Variants in HTT-AS observed in about 807,000 individuals in gnomAD.
HTT-AS encodes the protein HTT antisense RNA, also known as HTT antisense RNA (head to head).
intron 1 of HTT-AS, among the ~76,000 whole-genome samples, chr4:3,067,148 G>A (rs1712071905): frequency 6.6e-6 from 1 of 152,196 alleles, no homozygotes; most frequent in Non-Finnish European, 1.5e-5. Context: ...AATAGCCAGA[G>A]AGAACTAGGA....
At chr4:3,070,629 T>C (rs897836227) in intron 1 of HTT-AS, among the ~76,000 whole-genome samples, 6 of 152,120 alleles carry the variant, frequency 3.9e-5, no homozygotes, top group Admixed American at 3.9e-4. Context: ...TTCTTTAGAA[T>C]GGGGGACGTT....
At chr4:3,046,835 G>C (rs1304916434), downstream of HTT-AS, among the ~76,000 whole-genome samples, 1 of 152,082 alleles carries the variant, frequency 6.6e-6, no homozygotes, top group Non-Finnish European at 1.5e-5. Flanking sequence ...TTAGTCTGTT[G>C]GGACATAGTG....
chr4:3,069,653 C>T (rs1000444400), intron 1 of HTT-AS, among the ~76,000 whole-genome samples: 16 of 151,908 alleles, frequency 1.1e-4, no homozygotes, highest in African/African-American at 3.6e-4. Flanking sequence ...TCCTTACCAG[C>T]GGTGCACCTA....
intron 2 of HTT-AS, among the ~76,000 whole-genome samples, chr4:3,054,253 T>A (rs528196546): frequency 6.6e-6 from 1 of 151,298 alleles, no homozygotes; most frequent in East Asian, 1.9e-4. Context: ...TGCCCTAAAG[T>A]AAAATAACTG....
intron 2 of HTT-AS, among the ~76,000 whole-genome samples, chr4:3,062,203 A>C (rs1397221147): frequency 1.3e-5 from 2 of 151,362 alleles, no homozygotes; most frequent in Non-Finnish European, 2.9e-5. Context: ...CTAATGTTTT[A>C]TTTTTTTTGT....
chr4:3,073,409 C>T (rs547381510), intron 1 of HTT-AS, among the ~76,000 whole-genome samples: 182 of 152,352 alleles, frequency 1.2e-3, no homozygotes, highest in Middle Eastern at 6.8e-3. Context: ...GTGTCCCAGG[C>T]GTGAGGGGGT....
downstream of HTT-AS, among the ~76,000 whole-genome samples, chr4:3,048,884 G>T (rs1711649466): frequency 6.6e-6 from 1 of 152,200 alleles, no homozygotes; most frequent in South Asian, 2.1e-4. Context: ...TTAACCCATA[G>T]TGTGGGTTAA....
chr4:3,065,462 T>G (rs1011764853), intron 1 of HTT-AS, among the ~76,000 whole-genome samples: 1 of 152,168 alleles, frequency 6.6e-6, no homozygotes, highest in African/African-American at 2.4e-5. Context: ...CAGGCTGGTC[T>G]TGAACTCCCA....
intron 2 of HTT-AS, among the ~76,000 whole-genome samples, chr4:3,057,764 G>T (rs1039972587): frequency 2.6e-5 from 4 of 151,858 alleles, no homozygotes; most frequent in African/African-American, 9.7e-5. Flanking sequence ...CTCCTGAGTA[G>T]CTGGGACTAT....
chr4:3,053,067 G>A (rs894239974), intron 2 of HTT-AS, among the ~76,000 whole-genome samples: 2 of 151,992 alleles, frequency 1.3e-5, no homozygotes, highest in African/African-American at 4.8e-5. Context: ...ATTATATTAG[G>A]CCCTAGAAAC....
At chr4:3,062,550 G>A (rs952752656) in exon 2 of HTT-AS, among the ~76,000 whole-genome samples, 1 of 152,046 alleles carries the variant, frequency 6.6e-6, no homozygotes, top group Non-Finnish European at 1.5e-5. Context: ...TTGACAGTGA[G>A]AAAGGTCTCC....
At chr4:3,071,146 G>T (rs1352218662) in intron 1 of HTT-AS, among the ~76,000 whole-genome samples, 1 of 152,188 alleles carries the variant, frequency 6.6e-6, no homozygotes, top group East Asian at 1.9e-4. Flanking sequence ...TTGCCTCCCT[G>T]GATGGGTTGG....
intron 1 of HTT-AS, among the ~76,000 whole-genome samples, chr4:3,070,394 G>A (rs997330557): frequency 6.6e-6 from 1 of 151,646 alleles, no homozygotes; most frequent in Non-Finnish European, 1.5e-5. Context: ...GGGTTCAAGC[G>A]ATTCTCCTGC....
intron 1 of HTT-AS, among the ~76,000 whole-genome samples, chr4:3,071,910 T>C (rs1398559468): frequency 2.6e-5 from 4 of 152,168 alleles, no homozygotes; most frequent in African/African-American, 7.2e-5. Context: ...TCTAGGACCA[T>C]GAGAAGATAC....
At chr4:3,070,041 T>C (rs371369288) in intron 1 of HTT-AS, 5 of 152,364 alleles carry the variant, frequency 3.3e-5, no homozygotes, top group African/African-American at 9.7e-5. Flanking sequence ...GCACCCCCTC[T>C]GGCTGCTTTC....
chr4:3,071,059 C>T (rs535917901), intron 1 of HTT-AS, among the ~76,000 whole-genome samples: 1 of 152,308 alleles, frequency 6.6e-6, no homozygotes, highest in Admixed American at 6.5e-5. Flanking sequence ...ATAGTCAATT[C>T]TAGGCAGATG....
chr4:3,047,961 C>T (rs879663247), downstream of HTT-AS, among the ~76,000 whole-genome samples: 15 of 152,202 alleles, frequency 9.9e-5, no homozygotes, highest in East Asian at 3.8e-4. Context: ...GCACCCTGTC[C>T]GGTGGACACG....
intron 2 of HTT-AS, among the ~76,000 whole-genome samples, chr4:3,050,340 C>T (rs1463713786): frequency 6.6e-6 from 1 of 152,180 alleles, no homozygotes; most frequent in African/African-American, 2.4e-5. Flanking sequence ...AGATGAAAAT[C>T]TGGCAAACTC....
intron 2 of HTT-AS, among the ~76,000 whole-genome samples, chr4:3,058,467 C>A (rs944497309): frequency 3.3e-5 from 5 of 152,146 alleles, no homozygotes; most frequent in Admixed American, 6.6e-5. Flanking sequence ...TGAGAACAAC[C>A]AGAGATCCCT....
Sources: allele counts gnomAD v4.1 joint callset (sites outside exome capture counted in the v4.1 genomes callset), GRCh38; gene constraint gnomAD v4.1.1; transcripts MANE v1.5; gene names NCBI Gene and HGNC (gene_info 2026-07-23, HGNC 2026-07-21).